Variants in GAL3ST1 observed in about 807,000 individuals in gnomAD.
GAL3ST1 encodes the protein galactose-3-O-sulfotransferase 1, also known as galactosylceramide sulfotransferase.
A neutral mutation model predicts 25.0 loss-of-function variants in GAL3ST1; 13 were observed. The ratio of observed to expected loss-of-function variants is 0.52; its 90% CI spans 0.34 to 0.83. The LOEUF (loss-of-function observed/expected upper bound fraction) is 0.83, where lower values mean the gene tolerates loss of function less well. Ranked by LOEUF, GAL3ST1 falls within the 40% of genes least tolerant of loss-of-function variation. GAL3ST1 has a pLI of 0.02. For missense variants in GAL3ST1, 474 were observed against 613.6 expected (o/e 0.77, Z 2.40); for synonymous variants, 274 against 277.8 (o/e 0.99, Z 0.14).
chr22:30,570,404 G>A (rs769280493), intron 1 of GAL3ST1, among the ~76,000 whole-genome samples: 11 of 152,194 alleles, frequency 7.2e-5, no homozygotes, highest in Non-Finnish European at 1.0e-4. Flanking sequence ...TCTGAGATGG[G>A]CATATAAAAG....
At chr22:30,562,071 G>T (rs551235973) in intron 1 of GAL3ST1, among the ~76,000 whole-genome samples, 21 of 152,290 alleles carry the variant, frequency 1.4e-4, no homozygotes, top group African/African-American at 5.1e-4. Flanking sequence ...TTTTTAAAAA[G>T]ACAGGATCTT....
chr22:30,556,101 G>T lies in GAL3ST1; in HGVS notation c.132-8C>A. 1 of 1,595,000 alleles carries T rather than the reference G, an allele frequency of 6.3e-7. No homozygotes were observed. On this transcript the variant is annotated splice_region_variant and splice_polypyrimidine_tract_variant and intron_variant, in intron 3 of 3. Transcript: ENST00000406361. The stretch of plus-strand genomic sequence containing the variant: ...GCTGCGGCCTCCGGGGTCCTGCTGG[G>T]GACAGAGAGGTGGGGAGAGCCTCAG...
Position 30,555,146 on chromosome 22 carries a change from TCGTCCTGGATGG to T in GAL3ST1, c.1067_1078del (p.Ala356_Asp359del). The T allele has an allele frequency of 6.2e-7, 1 of 1,608,946 alleles. No individual in the cohort carries two copies. Among genetic ancestry groups the T allele is most frequent in the Non-Finnish European group, 8.5e-7 (1 of 1,178,608 alleles). The stretch of plus-strand genomic sequence containing the variant: ...CAGCGGCTGCCAGGGCTGCATGGCC[TCGTCCTGGATGG>T]CGGCGGCGTCCACGGCGTGGCCCCC... On this transcript the variant is annotated inframe_deletion, in exon 4 of 4. Transcript: ENST00000406361. This position sits in a 1 kb window ranked among gnomAD's most constrained non-coding sequence, Gnocchi z 8.6.
In GAL3ST1 at chr22:30,555,265, C is replaced by T; in HGVS notation, c.960G>A (p.Glu320=). ...GGGCCATGCGCTCCCGCCCGAAGGC[C>T]TCCACCTTGCGCCAGAAGCTGGCGT... is the stretch of plus-strand genomic sequence containing the variant. The part of the protein sequence containing the change: ...HFNASFWRKV[E]AFGRERMARE... Residue 320 remains glutamate, a synonymous_variant, in exon 4 of 4, where the codon GAG becomes GAA. Coordinates refer to ENST00000406361, the MANE Select transcript of GAL3ST1 (RefSeq NM_001318104.2). This position sits in a 1 kb window ranked among gnomAD's most constrained non-coding sequence, Gnocchi z 8.6. The T allele has an allele frequency of 2.1e-5, 34 of 1,601,938 alleles. No individual in the cohort carries two copies. Among genetic ancestry groups the T allele is most frequent in the Non-Finnish European group, 2.9e-5 (34 of 1,176,434 alleles).
Position 30,555,050 on chromosome 22 carries a change from C to T in GAL3ST1, c.1175G>A (p.Arg392His), listed in dbSNP as rs1249785183. The change falls in exon 4 of 4, where the codon CGC becomes CAC. Residue 392 changes from arginine (R) to histidine (H), a missense_variant. Arg to His is a conservative substitution (Grantham distance 29, BLOSUM62 0). This residue lies in a region of GAL3ST1 where 359 missense variants were observed against 504.4 expected (regional missense o/e 0.71). Transcript: ENST00000406361. The surrounding 1 kb of genome is among the most constrained non-coding windows in gnomAD (Gnocchi z 8.6). ...IGQRHAQLCR[R>H]MLTPEIQYLM... Reference sequence around the variant, plus strand: ...GTACTGGATCTCGGGCGTGAGCATGCGCCGGCAGAGCTGCGCGTGCCGCTG... The same window carrying T: ...GTACTGGATCTCGGGCGTGAGCATGTGCCGGCAGAGCTGCGCGTGCCGCTG... 2 of 1,612,090 alleles carry T rather than the reference C, an allele frequency of 1.2e-6. No individual in the cohort carries two copies. Among genetic ancestry groups the T allele is most frequent in the Admixed American group, 1.7e-5 (1 of 59,986 alleles).
At chr22:30,568,005 A>C (rs138647649) in intron 1 of GAL3ST1, among the ~76,000 whole-genome samples, 1 of 152,108 alleles carries the variant, frequency 6.6e-6, no homozygotes, top group Non-Finnish European at 1.5e-5. Flanking sequence ...AAATTGATCC[A>C]TCCCACAGGT....
At chr22:30,562,298 T>C (rs2086456379) in intron 1 of GAL3ST1, among the ~76,000 whole-genome samples, 1 of 152,000 alleles carries the variant, frequency 6.6e-6, no homozygotes, top group Non-Finnish European at 1.5e-5. Context: ...TCAAGTGAAT[T>C]TCCCACCTCG....
Position 30,557,291 on chromosome 22 carries a change from C to T in GAL3ST1, c.102G>A (p.Val34=), listed in dbSNP as rs1206898903. 2 of 1,614,182 alleles carry T rather than the reference C, an allele frequency of 1.2e-6. No individual in the cohort carries two copies. The highest frequency in any genetic ancestry group is 1.7e-6 in the Non-Finnish European group (2 of 1,179,998). The change falls in exon 3 of 4, where the codon GTG becomes GTA. Residue 34 remains valine (V), a synonymous_variant. Transcript: ENST00000406361. ...AGGCCAGGCCGGCATGCAGCGGGGG[C>T]ACGGCATAGGAGTACACCAGCAGCA... ...SFLLLVYSYA[V]PPLHAGLAST...
chr22:30,557,514 A>G, intron 2 of GAL3ST1, 113 bp from the exon 3 acceptor site: 1 of 1,156,618 alleles, frequency 8.6e-7, no homozygotes, highest in Non-Finnish European at 1.2e-6. Flanking sequence ...GTGGCCCCCC[A>G]GCAGGGTCCA....
intron 3 of GAL3ST1, 52 bp downstream of exon 3, chr22:30,557,210 G>T: frequency 6.3e-7 from 1 of 1,599,568 alleles, no homozygotes; most frequent in Non-Finnish European, 8.6e-7. Context: ...CATGGGTGGG[G>T]TGCCATCCCT....
chr22:30,555,253 C>T lies in GAL3ST1; in HGVS notation c.972G>A (p.Arg324=), dbSNP rs1473950102. ...CGGCCACCTCGCGGGCCATGCGCTC[C>T]CGCCCGAAGGCCTCCACCTTGCGCC... The part of the protein sequence containing the change: ...SFWRKVEAFG[R]ERMAREVAAL... Residue 324 remains arginine, a synonymous_variant, in exon 4 of 4, where the codon CGG becomes CGA. Transcript: ENST00000406361. This position sits in a 1 kb window ranked among gnomAD's most constrained non-coding sequence, Gnocchi z 8.6. 1.3e-6 allele frequency: 2 copies of T among 1,599,606 alleles called. No individual in the cohort carries two copies. Among genetic ancestry groups the T allele is most frequent in the Non-Finnish European group, 1.7e-6 (2 of 1,175,820 alleles).
intron 1 of GAL3ST1, among the ~76,000 whole-genome samples, chr22:30,558,917 G>A (rs963623760): frequency 1.3e-5 from 2 of 152,142 alleles, no homozygotes; most frequent in Non-Finnish European, 2.9e-5. Flanking sequence ...TAGCACTTTG[G>A]GAGGCCGAGG....
intron 1 of GAL3ST1, among the ~76,000 whole-genome samples, chr22:30,564,082 C>T (rs2086541925): frequency 6.6e-6 from 1 of 152,180 alleles, no homozygotes; most frequent in East Asian, 1.9e-4. Flanking sequence ...CTTCTGGTCC[C>T]AAGCATTTCG....
rs774002830 is a variant in GAL3ST1, at chr22:30,555,510, T to C, written c.715A>G (p.Ile239Val). ...DPSSPQVQEH[I>V]LEVERRFHLV... ...TGGAAGCGACGCTCCACCTCCAGGA[T>C]GTGCTCCTGCACCTGCGGGCTGCTG... The change falls in exon 4 of 4, where the codon ATC becomes GTC. Residue 239 changes from isoleucine to valine, a missense_variant. Around this residue, in one of 2 missense-constraint regions of GAL3ST1, gnomAD observed 359 missense variants for 504.4 expected, o/e 0.71. Transcript: ENST00000406361. This position sits in a 1 kb window ranked among gnomAD's most constrained non-coding sequence, Gnocchi z 8.6. 5.6e-6 allele frequency: 9 copies of C among 1,613,676 alleles called. No homozygotes were observed. In the South Asian group the frequency reaches 9.9e-5, roughly 18 times the overall value.
intron 1 of GAL3ST1, among the ~76,000 whole-genome samples, chr22:30,559,343 C>T (rs867620221): frequency 3.3e-5 from 5 of 152,072 alleles, no homozygotes; most frequent in African/African-American, 2.4e-5. Context: ...CCGGTTCAAG[C>T]GATTCTCCTG....
chr22:30,570,323 C>G (rs1376746578), intron 1 of GAL3ST1, among the ~76,000 whole-genome samples: 1 of 152,200 alleles, frequency 6.6e-6, no homozygotes, highest in Non-Finnish European at 1.5e-5. Context: ...TATTACAGTT[C>G]TGAGTGTGCC....
Position 30,557,401 on chromosome 22 carries a change from C to G in GAL3ST1, c.-9G>C. The stretch of plus-strand genomic sequence containing the variant: ...TTCTGCGGTGGCAGCATCTCAGACA[C>G]CTGCAGGGGCAGCACAGAGTAGGGC... On this transcript the variant is annotated splice_region_variant and 5_prime_UTR_variant, in exon 3 of 4. Transcript: ENST00000406361. The G allele has an allele frequency of 6.2e-7, 1 of 1,614,086 alleles. No individual in the cohort carries two copies. Among genetic ancestry groups the G allele is most frequent in the East Asian group, 2.2e-5 (1 of 44,888 alleles).
At position 30,566,696 on chromosome 22, in the gene GAL3ST1, A is replaced by G. The variant is rs570626221; in HGVS notation, c.-120+7770T>C. On this transcript the variant is annotated intron_variant, in intron 1 of 3. Coordinates refer to ENST00000406361, the MANE Select transcript of GAL3ST1 (RefSeq NM_001318104.2). ...GCCATCTCAGCTCACTGCAAACTCC[A>G]CCTCCCAGGTTCATGTTATTCTCCT... is the stretch of plus-strand genomic sequence containing the variant. Among the ~76,000 whole-genome samples the G allele has an allele frequency of 1.2e-3, 184 of 150,036 alleles. 1 individual carries two copies. The highest frequency in any genetic ancestry group is 4.1e-3 in the African/African-American group (166 of 40,730).
chr22:30,556,897 G>C (rs2086064793), intron 3 of GAL3ST1, among the ~76,000 whole-genome samples: 1 of 152,156 alleles, frequency 6.6e-6, no homozygotes, highest in Non-Finnish European at 1.5e-5. Context: ...ACCATGCCCA[G>C]CTAATTTTTG....
Sources: allele counts gnomAD v4.1 joint callset (sites outside exome capture counted in the v4.1 genomes callset), GRCh38; gene constraint gnomAD v4.1.1; regional missense constraint gnomAD v4.1.1; non-coding constraint Gnocchi (gnomAD v3.1); transcripts MANE v1.5; gene names NCBI Gene and HGNC (gene_info 2026-07-23, HGNC 2026-07-21).